The following ASAP2 variants were observed in gnomAD, a reference collection of about 807,000 sequenced individuals.
ASAP2 encodes the protein arf-GAP with SH3 domain, ANK repeat and PH domain-containing protein 2.
A neutral mutation model predicts 131.4 loss-of-function variants in ASAP2; 45 were observed. That is an observed-to-expected ratio of 0.34 (90% CI 0.27 to 0.44). The LOEUF is 0.44. Among genes scored for constraint, ASAP2 ranks in the 20% least tolerant of loss-of-function variants. The probability of loss-of-function intolerance (pLI) is 1.00; values close to 1 mark genes in which losing one functional copy is unlikely to be tolerated. For synonymous variants in ASAP2, 510 were observed against 503.0 expected (o/e 1.01, Z -0.19); for missense variants, 1,011 against 1,297.0 (o/e 0.78, Z 3.39).
At chr2:9,226,081 C>A (rs1662743200) in intron 1 of ASAP2, among the ~76,000 whole-genome samples, 1 of 152,192 alleles carries the variant, frequency 6.6e-6, no homozygotes, top group African/African-American at 2.4e-5. Flanking sequence ...CTGTGTGCTG[C>A]CTCATGCGAG....
chr2:9,344,066 T>A (rs1486627009), intron 9 of ASAP2, among the ~76,000 whole-genome samples: 1 of 152,224 alleles, frequency 6.6e-6, no homozygotes, highest in Non-Finnish European at 1.5e-5. Context: ...GGTATTCTTT[T>A]CTTATTGCCC....
chr2:9,225,735 A>G (rs1205941648), intron 1 of ASAP2, among the ~76,000 whole-genome samples: 1 of 152,202 alleles, frequency 6.6e-6, no homozygotes, highest in Admixed American at 6.5e-5. Context: ...GGAGACCAAT[A>G]GGAAGCATTG....
At chr2:9,358,123 G>C (rs966337503) in intron 14 of ASAP2, among the ~76,000 whole-genome samples, 1 of 152,150 alleles carries the variant, frequency 6.6e-6, no homozygotes, top group African/African-American at 2.4e-5. Flanking sequence ...GCGACCTCGA[G>C]CCTGAGCATC....
intron 1 of ASAP2, among the ~76,000 whole-genome samples, chr2:9,243,650 A>C (rs768640267): frequency 1.3e-5 from 2 of 152,212 alleles, no homozygotes; most frequent in African/African-American, 4.8e-5. Flanking sequence ...TAGCGTTTCC[A>C]CTTACAGAAG....
In ASAP2 at chr2:9,356,114, G is replaced by A. The variant is rs114862022; in HGVS notation, c.1160+19G>A. ...GTCAAATGTAAGTTACATGGTGGTG[G>A]GACTTTGGGCTGGACTCAGCCGTTG... On this transcript the variant is annotated intron_variant, in intron 13 of 27. Transcript: ENST00000281419. 1.1e-4 allele frequency: 177 copies of A among 1,614,186 alleles called. No homozygotes were observed. The African/African-American group carries it at 1.5e-3, about 14-fold the overall frequency.
chr2:9,312,066 G>A (rs1669337149), intron 3 of ASAP2, among the ~76,000 whole-genome samples: 1 of 152,178 alleles, frequency 6.6e-6, no homozygotes, highest in South Asian at 2.1e-4. Flanking sequence ...CCCATTTCAA[G>A]TGTACACATC....
At chr2:9,344,055 G>A (rs1278376464) in intron 9 of ASAP2, among the ~76,000 whole-genome samples, 1 of 152,170 alleles carries the variant, frequency 6.6e-6, no homozygotes, top group East Asian at 1.9e-4. Context: ...TGGCCTTACT[G>A]GGTATTCTTT....
At chr2:9,400,931 G>T in intron 26 of ASAP2, 101 bp downstream of exon 26, 1 of 1,221,078 alleles carries the variant, frequency 8.2e-7, no homozygotes, top group South Asian at 1.3e-5. Flanking sequence ...TCTTCCCCTG[G>T]CTGGGGCAGG....
chr2:9,271,650 G>A lies in ASAP2; in HGVS notation c.127-7667G>A, dbSNP rs144398518. On this transcript the variant is annotated intron_variant, in intron 1 of 27. Transcript: ENST00000281419. Reference sequence around the variant, plus strand: ...ACATACGATCCAATTTCTTTTTCTCGGTGGAAATGGTCTGCGGAAGACGGC... The same window carrying A: ...ACATACGATCCAATTTCTTTTTCTCAGTGGAAATGGTCTGCGGAAGACGGC... The A allele has an allele frequency of 4.0e-4, 331 of 837,844 alleles. No individual in the cohort carries two copies. In the African/African-American group the frequency reaches 4.9e-3, roughly 12 times the overall value. The allele number at this position is 837,844 out of a possible 1,614,324, so 51.9% of individuals were successfully genotyped here. A position where few individuals can be genotyped will look rare whatever the true frequency, so the allele number is the denominator to read the frequency against.
intron 23 of ASAP2, among the ~76,000 whole-genome samples, chr2:9,391,576 CTT>C (rs397869342): frequency 1.7e-3 from 223 of 135,116 alleles, no homozygotes; most frequent in African/African-American, 5.6e-3. Flanking sequence ...TTTTCTTTTT[CTT>C]TTTTTTTTTT....
At chr2:9,372,986 G>A (rs181459121) in intron 16 of ASAP2, among the ~76,000 whole-genome samples, 3 of 152,250 alleles carry the variant, frequency 2.0e-5, no homozygotes, top group East Asian at 3.9e-4. Flanking sequence ...GCTGTTATTC[G>A]AGGGCCTGTT....
At chr2:9,396,977 G>T (rs1218396350) in intron 24 of ASAP2, among the ~76,000 whole-genome samples, 2 of 152,180 alleles carry the variant, frequency 1.3e-5, no homozygotes, top group East Asian at 3.8e-4. Context: ...ACTCCAGCCT[G>T]GGCAACAGAG....
At chr2:9,220,503 T>C (rs1406539099) in intron 1 of ASAP2, among the ~76,000 whole-genome samples, 1 of 152,256 alleles carries the variant, frequency 6.6e-6, no homozygotes, top group African/African-American at 2.4e-5. Context: ...TGCCCATGGC[T>C]GTGTGTATCT....
At chr2:9,218,528 G>T (rs921811404) in intron 1 of ASAP2, among the ~76,000 whole-genome samples, 1 of 152,240 alleles carries the variant, frequency 6.6e-6, no homozygotes, top group South Asian at 2.1e-4. Context: ...CTTGGGTGGA[G>T]AGGAGTCAGC....
At chr2:9,235,972 G>A (rs569286660) in intron 1 of ASAP2, among the ~76,000 whole-genome samples, 9 of 152,318 alleles carry the variant, frequency 5.9e-5, no homozygotes, top group African/African-American at 1.9e-4. Flanking sequence ...GGACTGGGGT[G>A]CTGGTGGCAT....
rs79125280 is a variant in ASAP2 at position 9,368,203 on chromosome 2, G to A, written c.1462-222G>A. Among the ~76,000 whole-genome samples, 1,170 of 152,276 alleles carry A rather than the reference G, an allele frequency of 7.7e-3. 12 individuals carry two copies. The highest frequency in any genetic ancestry group is 0.014 in the Middle Eastern group (4 of 294). On this transcript the variant is annotated intron_variant, in intron 15 of 27. Coordinates refer to ENST00000281419, the MANE Select transcript of ASAP2 (RefSeq NM_003887.3). Reference sequence around the variant, plus strand: ...TCTGTCTGTACTCTATCCAGAGCGCGTTTTATGACAATGCGTCTCTGTAAT... The same window carrying A: ...TCTGTCTGTACTCTATCCAGAGCGCATTTTATGACAATGCGTCTCTGTAAT...
intron 17 of ASAP2, 64 bp downstream of exon 17, chr2:9,375,008 TG>T (rs1254308071): frequency 2.7e-6 from 4 of 1,454,954 alleles, no homozygotes; most frequent in East Asian, 4.8e-5. Context: ...GGCTCATGCC[TG>T]GGATCCAGTA....
chr2:9,317,936 C>T (rs1669904308), intron 3 of ASAP2, among the ~76,000 whole-genome samples: 1 of 152,214 alleles, frequency 6.6e-6, no homozygotes, highest in South Asian at 2.1e-4. Flanking sequence ...CACACCTTTA[C>T]ACACCCACAA....
At position 9,340,350 on chromosome 2, in the gene ASAP2, G is replaced by A. The variant is rs985577720; in HGVS notation, c.850-4182G>A. Among the ~76,000 whole-genome samples the A allele has an allele frequency of 2.6e-5, 4 of 152,228 alleles. 1 individual carries two copies. In the South Asian group the frequency reaches 8.3e-4, roughly 32 times the overall value. ...ATGTCTGCAACTTTATTCTGTGAGA[G>A]AGAGAGGATAAGTGCCCTTGCTGGG... On this transcript the variant is annotated intron_variant, in intron 9 of 27. Transcript: ENST00000281419.
Sources: allele counts gnomAD v4.1 joint callset (sites outside exome capture counted in the v4.1 genomes callset), GRCh38; gene constraint gnomAD v4.1.1; transcripts MANE v1.5; gene names NCBI Gene and HGNC (gene_info 2026-07-23, HGNC 2026-07-21).